Variants in FRMPD1 observed in about 807,000 individuals in gnomAD.
FRMPD1 encodes the protein FERM and PDZ domain containing 1.
In FRMPD1, 76 loss-of-function variants were observed where a neutral mutation model predicts 117.8. The observed-to-expected ratio is 0.65, with a 90% CI of 0.54 to 0.78. The LOEUF is 0.78. FRMPD1 is among the 30% of genes least tolerant of loss of function. FRMPD1 has a pLI of 0.00. For missense variants in FRMPD1, 1,786 were observed against 1,964.5 expected, an observed-to-expected ratio of 0.91 and a Z score of 1.72; for synonymous variants, 783 against 770.4, an observed-to-expected ratio of 1.02 and a Z score of -0.27.
chr9:37,630,606 C>T, the FRMPD1 span, among the ~76,000 whole-genome samples: 1 of 152,100 alleles, frequency 6.6e-6, no homozygotes, highest in Admixed American at 6.5e-5. Flanking sequence ...GTCTTCAACT[C>T]CTGACCTCAA....
the FRMPD1 span, among the ~76,000 whole-genome samples, chr9:37,644,514 A>G: frequency 6.6e-6 from 1 of 152,328 alleles, no homozygotes; most frequent in South Asian, 2.1e-4. Flanking sequence ...GGGTCCCCTC[A>G]GCAGGGAGCT....
the FRMPD1 span, among the ~76,000 whole-genome samples, chr9:37,631,801 G>T: frequency 1.9e-4 from 29 of 152,210 alleles, no homozygotes; most frequent in African/African-American, 6.7e-4. Context: ...ACAGGGTCTT[G>T]CTATGTTGCC....
chr9:37,717,889 G>A (rs1823221183), intron 5 of FRMPD1, among the ~76,000 whole-genome samples: 1 of 152,124 alleles, frequency 6.6e-6, no homozygotes, highest in Non-Finnish European at 1.5e-5. Context: ...CTCATTCGAA[G>A]CAATCTGATA....
At chr9:37,673,373 T>G (rs942881468) in intron 1 of FRMPD1, among the ~76,000 whole-genome samples, 3 of 152,252 alleles carry the variant, frequency 2.0e-5, no homozygotes, top group Non-Finnish European at 4.4e-5. Flanking sequence ...TCCCGTGGTC[T>G]TGGGCAGCTC....
chr9:37,730,259 T>C (rs1015094220), intron 8 of FRMPD1, among the ~76,000 whole-genome samples: 1 of 152,202 alleles, frequency 6.6e-6, no homozygotes. Context: ...TTACCCCCGA[T>C]ATGGTTCCTG....
chr9:37,650,812 G>A (rs1820644725), upstream of FRMPD1, among the ~76,000 whole-genome samples: 2 of 149,886 alleles, frequency 1.3e-5, no homozygotes, highest in East Asian at 1.9e-4. Context: ...CGGAGGCGGC[G>A]CGCGGGGCTC....
Position 37,719,196 on chromosome 9 carries a change from A to T in FRMPD1, c.516+20A>T. ...AGCCAGGTGTGTCACTAGTCAAGGG[A>T]TTGAAATTATGAAGCTGGCGAGCTG... On this transcript the variant is annotated intron_variant, in intron 6 of 15. Transcript: ENST00000377765. 1 of 1,461,822 alleles carries T rather than the reference A, an allele frequency of 6.8e-7. No homozygotes were observed. Among genetic ancestry groups the T allele is most frequent in the Non-Finnish European group, 9.6e-7 (1 of 1,040,934 alleles). 90.6% of individuals were successfully genotyped at this position (1,461,822 alleles called of 1,614,324 possible). A position where few individuals can be genotyped will look rare whatever the true frequency, so the allele number is the denominator to read the frequency against.
intron 1 of FRMPD1, among the ~76,000 whole-genome samples, chr9:37,672,521 C>T (rs74925730): frequency 0.1 from 15,829 of 152,112 alleles, 1,242 homozygotes; most frequent in African/African-American, 0.22. Flanking sequence ...CTCATTAATT[C>T]TCACAACAAC....
At chr9:37,688,563 A>T (rs1002086426) in intron 1 of FRMPD1, among the ~76,000 whole-genome samples, 1 of 152,080 alleles carries the variant, frequency 6.6e-6, no homozygotes, top group Non-Finnish European at 1.5e-5. Context: ...CCCCCCAAAA[A>T]TATCTGGGAA....
At chr9:37,642,756 C>G in the FRMPD1 span, among the ~76,000 whole-genome samples, 2 of 152,236 alleles carry the variant, frequency 1.3e-5, no homozygotes, top group Admixed American at 6.5e-5. Context: ...TTCTGCCAAT[C>G]TTTGTCTTTT....
chr9:37,634,766 T>TC, the FRMPD1 span, among the ~76,000 whole-genome samples: 2 of 148,600 alleles, frequency 1.3e-5, no homozygotes, highest in Non-Finnish European at 3.0e-5. Flanking sequence ...TTCTTCTTCT[T>TC]TTTTTTTTTT....
At chr9:37,621,205 G>A in the FRMPD1 span, among the ~76,000 whole-genome samples, 1 of 152,162 alleles carries the variant, frequency 6.6e-6, no homozygotes, top group African/African-American at 2.4e-5. Context: ...CACTAGGGTA[G>A]ACCTTCATTA....
intron 1 of FRMPD1, among the ~76,000 whole-genome samples, chr9:37,686,619 A>G (rs1821957859): frequency 6.6e-6 from 1 of 152,206 alleles, no homozygotes. Context: ...GGATCCCTGG[A>G]TGAAGGTACC....
the FRMPD1 span, among the ~76,000 whole-genome samples, chr9:37,638,967 C>T: frequency 1.1e-4 from 16 of 152,236 alleles, no homozygotes; most frequent in South Asian, 2.3e-3. Context: ...AGTAATTTTT[C>T]GTAGCACTCC....
chr9:37,729,275 C>T (rs1018722197), intron 7 of FRMPD1, among the ~76,000 whole-genome samples: 6 of 145,792 alleles, frequency 4.1e-5, no homozygotes, highest in South Asian at 4.5e-4. Flanking sequence ...CCCAGCTACT[C>T]GAGAGGCTGA....
intron 1 of FRMPD1, among the ~76,000 whole-genome samples, chr9:37,652,773 G>GA (rs1820717939): frequency 6.6e-6 from 1 of 152,208 alleles, no homozygotes; most frequent in Non-Finnish European, 1.5e-5. Context: ...ACACAAACAT[G>GA]AAAATTACCA....
the FRMPD1 span, among the ~76,000 whole-genome samples, chr9:37,637,960 T>G: frequency 1.1e-5 from 1 of 89,772 alleles, no homozygotes; most frequent in Admixed American, 1.3e-4. Flanking sequence ...GAAAATGGTG[T>G]ATGCTTTCTT....
chr9:37,696,453 C>T lies in FRMPD1; in HGVS notation c.101+3711C>T, dbSNP rs191817297. ...CCTTAACAGAGTCCATAGTATGTAA[C>T]GGACATTCAATAAATTTTTACTGAT... On this transcript the variant is annotated intron_variant, in intron 2 of 15. Transcript: ENST00000377765. 3.9e-5 allele frequency among the ~76,000 whole-genome samples: 6 copies of T among 152,184 alleles called. No individual in the cohort carries two copies. In the East Asian group the frequency reaches 5.8e-4, roughly 15 times the overall value.
chr9:37,611,211 C>A, the FRMPD1 span, among the ~76,000 whole-genome samples: 1 of 152,262 alleles, frequency 6.6e-6, no homozygotes, highest in African/African-American at 2.4e-5. Context: ...CCTTCTTGAC[C>A]TTTGTACCAA....
Sources: gnomAD v4.1 joint callset for allele counts (sites outside exome capture counted in the v4.1 genomes callset) on GRCh38, gnomAD v4.1.1 for gene constraint, MANE v1.5 for transcripts, NCBI Gene and HGNC (gene_info 2026-07-23, HGNC 2026-07-21) for gene names.